The following COL9A3 variants were observed in gnomAD, a reference collection of about 807,000 sequenced individuals.
COL9A3 encodes the protein collagen type IX alpha 3 chain.
In COL9A3, 82 loss-of-function variants were observed where a neutral mutation model predicts 110.2. That is an observed-to-expected ratio of 0.74 (90% confidence interval 0.62 to 0.89). The LOEUF is 0.89. Ranked by LOEUF, COL9A3 falls within the 40% of genes least tolerant of loss-of-function variation. The pLI is 0.00. For missense variants in COL9A3, 1,066 were observed against 981.3 expected (o/e 1.09, Z -1.15); for synonymous variants, 494 against 403.8 (o/e 1.22, Z -2.68).
Position 62,818,386 on chromosome 20 carries a change from A to T in COL9A3, c.148-132A>T. On this transcript the variant is annotated intron_variant, in intron 2 of 31. Coordinates refer to ENST00000649368, the MANE Select transcript of COL9A3 (RefSeq NM_001853.4). ...CCCTCTAGGTAGGGATCGGGGGCTC[A>T]GGGGCCCCTTTTGTCTGCTGGGGCT... is the stretch of plus-strand genomic sequence containing the variant. 3 of 864,344 alleles carry T rather than the reference A, an allele frequency of 3.5e-6. No homozygotes were observed. In the Middle Eastern group the frequency reaches 9.8e-4, roughly 284 times the overall value. 53.5% of individuals were successfully genotyped at this position (864,344 alleles called of 1,614,324 possible).
rs1205603478 is a variant in COL9A3 at position 62,832,768 on chromosome 20, G to A, written c.1324-252G>A. ...GGCCTGCAGCCATCGAACCCCCACCGCAGGTTCTGCTTGGCAGAAAAGCCT... is the reference window on the plus strand; with the variant it reads ...GGCCTGCAGCCATCGAACCCCCACCACAGGTTCTGCTTGGCAGAAAAGCCT... On this transcript the variant is annotated intron_variant, in intron 25 of 31. Transcript: ENST00000649368. 3.4e-5 allele frequency: 10 copies of A among 289,892 alleles called. No homozygotes were observed. The East Asian group carries it at 1.7e-3, about 50-fold the overall frequency. 18.0% of individuals were successfully genotyped at this position (289,892 alleles called of 1,614,324 possible).
chr20:62,831,391 A>C (rs1274777724), intron 24 of COL9A3: 1 of 152,588 alleles, frequency 6.6e-6, no homozygotes, highest in Non-Finnish European at 1.5e-5. Flanking sequence ...CTGGGCAGAC[A>C]GACCCCTTTT....
chr20:62,825,225 C>T (rs2063543241), intron 12 of COL9A3, among the ~76,000 whole-genome samples: 1 of 150,550 alleles, frequency 6.6e-6, no homozygotes, highest in South Asian at 2.1e-4. Context: ...TTCATGGGTG[C>T]ACCTGCACTG....
At chr20:62,832,710 T>C (rs2063605927) in intron 25 of COL9A3, 5 of 363,284 alleles carry the variant, frequency 1.4e-5, no homozygotes, top group Non-Finnish European at 2.3e-5. Context: ...CTGCTCTCAC[T>C]TCTAGGCACA....
rs201580500 is a variant in COL9A3, at chr20:62,835,966, C to T, written c.1401+13C>T. ...ACCCAAAGGAGAGGTGAGTGCCCGGCGACTGTTCCGATGACACCATCCATG... is the reference window on the plus strand; with the variant it reads ...ACCCAAAGGAGAGGTGAGTGCCCGGTGACTGTTCCGATGACACCATCCATG... On this transcript the variant is annotated intron_variant, in intron 27 of 31. Coordinates refer to ENST00000649368, the MANE Select transcript of COL9A3 (RefSeq NM_001853.4). The T allele has an allele frequency of 1.5e-4, 241 of 1,614,178 alleles. 2 individuals carry two copies. The East Asian group carries it at 3.2e-3, about 21-fold the overall frequency.
Position 62,837,259 on chromosome 20 carries a change from C to T in COL9A3, c.1780C>T (p.Pro594Ser), listed in dbSNP as rs1955520381. Residue 594 changes from proline to serine, a missense_variant, in exon 30 of 32, where the codon CCC (proline) becomes TCC (serine). Transcript: ENST00000649368. ...CACTGGGGAGCTGGGAGACCCCGGG[C>T]CCAGAGGTGAGTGTTTGACCCCATG... ...GPTGELGDPG[P>S]RGNQGDRGDK... 6.2e-6 allele frequency: 10 copies of T among 1,610,016 alleles called. No individual in the cohort carries two copies. Among genetic ancestry groups the T allele is most frequent in the African/African-American group, 1.3e-5 (1 of 75,022 alleles).
rs762255129 is a variant in COL9A3 at position 62,837,237 on chromosome 20, T to C, written c.1758T>C (p.Thr586=). 3 of 1,611,300 alleles carry C rather than the reference T, an allele frequency of 1.9e-6. No homozygotes were observed. In the Admixed American group the frequency reaches 5.0e-5, roughly 27 times the overall value. ...ARGPPGYRGP[T]GELGDPGPRG... ...GACCCCCTGGATACCGCGGTCCCAC[T>C]GGGGAGCTGGGAGACCCCGGGCCCA... The change falls in exon 30 of 32, where the codon ACT becomes ACC. Residue 586 remains threonine, a synonymous_variant. Transcript: ENST00000649368.
chr20:62,829,467 C>G lies in COL9A3; in HGVS notation c.1021C>G (p.Arg341Gly), dbSNP rs747211535. The part of the protein sequence containing the change: ...GPNGLPGLPG[R>G]AGSKGEKGER... ...TCTCTCCTGGCAGGGCCTCCCTGGA[C>G]GAGCGGGGTCCAAAGGCGAGAAGGG... The change falls in exon 20 of 32, where the codon CGA (arginine) becomes GGA (glycine). Residue 341 changes from arginine to glycine, a missense_variant. Coordinates refer to ENST00000649368, the MANE Select transcript of COL9A3 (RefSeq NM_001853.4). 2 of 1,612,546 alleles carry G rather than the reference C, an allele frequency of 1.2e-6. No individual in the cohort carries two copies. The highest frequency in any genetic ancestry group is 1.7e-6 in the Non-Finnish European group (2 of 1,179,882).
At chr20:62,829,388 G>GC (rs1260795438) in intron 19 of COL9A3, 67 bp from the exon 20 acceptor site, 10 of 1,601,150 alleles carry the variant, frequency 6.2e-6, no homozygotes, top group Non-Finnish European at 8.5e-6. Context: ...CTGCGTGCAC[G>GC]CCCCTGGGTG....
At chr20:62,838,155 G>A (rs1375694178) in intron 30 of COL9A3, among the ~76,000 whole-genome samples, 3 of 152,254 alleles carry the variant, frequency 2.0e-5, no homozygotes, top group Non-Finnish European at 4.4e-5. Flanking sequence ...GCTGCCAGAG[G>A]TCAGGGAGGT....
At position 62,830,909 on chromosome 20, in the gene COL9A3, C is replaced by A. The variant is rs533758838; in HGVS notation, c.1287+321C>A. Among the ~76,000 whole-genome samples, 3 of 150,788 alleles carry A rather than the reference C, an allele frequency of 2.0e-5. No individual in the cohort carries two copies. The East Asian group carries it at 6.1e-4, about 30-fold the overall frequency. On this transcript the variant is annotated intron_variant, in intron 24 of 31. Transcript: ENST00000649368. ...GGAGGCAGTGGCATCAGGGCCCCGA[C>A]TGTGGCGCCTTTGGCCCCTCTGACC...
chr20:62,827,368 G>A (rs2063562849), intron 16 of COL9A3, 74 bp downstream of exon 16: 9 of 1,509,096 alleles, frequency 6.0e-6, no homozygotes, highest in Non-Finnish European at 8.2e-6. Flanking sequence ...TCGTGCTGGG[G>A]AGGGGGACAC....
chr20:62,827,365 G>C lies in COL9A3; in HGVS notation c.846+71G>C, dbSNP rs1489166375. 6 of 1,507,986 alleles carry C rather than the reference G, an allele frequency of 4.0e-6. No individual in the cohort carries two copies. The Admixed American group carries it at 1.0e-4, about 26-fold the overall frequency. The allele number at this position is 1,507,986 out of a possible 1,614,324, so 93.4% of individuals were successfully genotyped here. A position where few individuals can be genotyped will look rare whatever the true frequency, so the allele number is the denominator to read the frequency against. On this transcript the variant is annotated intron_variant, in intron 16 of 31. Transcript: ENST00000649368. Reference sequence around the variant, plus strand: ...CCCAATTTCCCTCCTGACTCGTGCTGGGGAGGGGGACACACTTGGGAGTGA... The same window carrying C: ...CCCAATTTCCCTCCTGACTCGTGCTCGGGAGGGGGACACACTTGGGAGTGA...
At chr20:62,827,642 G>A (rs2063564756) in intron 16 of COL9A3, among the ~76,000 whole-genome samples, 1 of 152,220 alleles carries the variant, frequency 6.6e-6, no homozygotes, top group South Asian at 2.1e-4. Context: ...AGCGTTCCAG[G>A]AGTGGAACTG....
chr20:62,831,888 C>T (rs981611944), intron 24 of COL9A3: 22 of 551,842 alleles, frequency 4.0e-5, no homozygotes, highest in Admixed American at 2.4e-4. Context: ...CAGAAACACC[C>T]GCACGAATTC....
rs544133282 is a variant in COL9A3, at chr20:62,817,577, TCCCCGGCCC to T, written c.102_110del (p.Pro39_Gly41del). The T allele has an allele frequency of 1.9e-3, 2,938 of 1,545,472 alleles. 19 individuals are homozygous for T. The highest frequency in any genetic ancestry group is 0.013 in the South Asian group (1,102 of 83,908). Reference sequence around the variant, plus strand: ...TTTTCTCCGTTTCAGAGAGTGGGACTCCCCGGCCCCCCCGGCCCCCCAGGGCCGCCCGGG... The same window carrying T: ...TTTTCTCCGTTTCAGAGAGTGGGACTCCCCGGCCCCCCAGGGCCGCCCGGG... On this transcript the variant is annotated inframe_deletion, in exon 2 of 32. Coordinates refer to ENST00000649368, the MANE Select transcript of COL9A3 (RefSeq NM_001853.4).
intron 29 of COL9A3, 150 bp from the exon 30 acceptor site, chr20:62,836,933 A>G (rs2063641201): frequency 2.8e-6 from 3 of 1,054,478 alleles, no homozygotes; most frequent in Admixed American, 1.7e-5. Flanking sequence ...TCCAGCATTC[A>G]TCACCCCAAA....
intron 11 of COL9A3, 108 bp from the exon 12 acceptor site, chr20:62,824,860 C>A: frequency 8.4e-7 from 1 of 1,196,682 alleles, no homozygotes; most frequent in Non-Finnish European, 1.2e-6. Context: ...TGTGCGCTGC[C>A]GTGTGGCGGG....
chr20:62,840,036 C>T (rs1287701862), intron 31 of COL9A3, among the ~76,000 whole-genome samples: 1 of 152,112 alleles, frequency 6.6e-6, no homozygotes, highest in Admixed American at 6.5e-5. Flanking sequence ...ACAGCAGCCT[C>T]CCGGCCGCAC....
Sources: gnomAD v4.1 joint callset for allele counts (sites outside exome capture counted in the v4.1 genomes callset) on GRCh38, gnomAD v4.1.1 for gene constraint, MANE v1.5 for transcripts, NCBI Gene and HGNC (gene_info 2026-07-23, HGNC 2026-07-21) for gene names.